Variants in MMP26 observed in about 807,000 individuals in gnomAD.
MMP26 encodes matrix metallopeptidase 26.
Under a neutral mutation model 31.0 loss-of-function variants are expected in MMP26, and 33 were observed. The observed-to-expected ratio is 1.06, with a 90% confidence interval of 0.81 to 1.42. The LOEUF (loss-of-function observed/expected upper bound fraction) is 1.42. Among genes scored for constraint, MMP26 ranks in the 40% most tolerant of loss-of-function variants. The pLI is 0.00. For synonymous variants in MMP26, 122 were observed against 114.9 expected (o/e 1.06, Z -0.40); for missense variants, 347 against 316.1 (o/e 1.10, Z -0.74).
intron 2 of MMP26, among the ~76,000 whole-genome samples, chr11:4,813,368 T>G (rs1402248495): frequency 6.6e-6 from 1 of 152,086 alleles, no homozygotes; most frequent in African/African-American, 2.4e-5. Context: ...TGATTTTCCT[T>G]TTTTCCTTTC....
At chr11:4,868,905 A>T (rs962566274) in intron 2 of MMP26, among the ~76,000 whole-genome samples, 1 of 152,206 alleles carries the variant, frequency 6.6e-6, no homozygotes, top group African/African-American at 2.4e-5. Context: ...GCCCTCAGAA[A>T]TAATACCACA....
intron 2 of MMP26, among the ~76,000 whole-genome samples, chr11:4,857,417 C>G (rs1850070913): frequency 6.6e-6 from 1 of 151,978 alleles, no homozygotes; most frequent in South Asian, 2.1e-4. Context: ...CACAGAGATA[C>G]AAACTACCAT....
chr11:4,914,532 A>G (rs1204691361), intron 2 of MMP26: 3 of 539,566 alleles, frequency 5.6e-6, no homozygotes, highest in Non-Finnish European at 9.8e-6. Flanking sequence ...TTACCACATC[A>G]TATTACATTT....
chr11:4,764,874 T>TCACACACACACACACA (rs149703459), intron 1 of MMP26, among the ~76,000 whole-genome samples: 401 of 151,396 alleles, frequency 2.6e-3, no homozygotes, highest in South Asian at 0.017. Context: ...CGAGACTCCA[T>TCACACACACACACACA]CACAGACACA....
rs1043605881 is a variant in MMP26, at chr11:4,769,760, G to A, written c.-145+2419G>A. On this transcript the variant is annotated intron_variant, in intron 2 of 7. Coordinates refer to ENST00000380390, the MANE Select transcript of MMP26 (RefSeq NM_021801.5). Reference sequence around the variant, plus strand: ...CATGGGTTCATGGAGACTCTGCTGGGTAATGATGACAAACAGGATCACGCT... The same window carrying A: ...CATGGGTTCATGGAGACTCTGCTGGATAATGATGACAAACAGGATCACGCT... 5 of 1,613,932 alleles carry A rather than the reference G, an allele frequency of 3.1e-6. No individual in the cohort carries two copies. The East Asian group carries it at 1.1e-4, about 36-fold the overall frequency.
chr11:4,882,763 G>A, intron 2 of MMP26: 1 of 1,613,882 alleles, frequency 6.2e-7, no homozygotes, highest in Non-Finnish European at 8.5e-7. Flanking sequence ...TACCACCTGT[G>A]CTGAACCCTA....
At chr11:4,745,291 C>G (rs1471182750) in intron 1 of MMP26, among the ~76,000 whole-genome samples, 2 of 152,110 alleles carry the variant, frequency 1.3e-5, no homozygotes, top group South Asian at 4.1e-4. Context: ...AAGAAATATA[C>G]GGTTGCATTT....
Position 4,992,352 on chromosome 11 carries a change from G to T in MMP26, c.*110G>T. 3.8e-6 allele frequency: 4 copies of T among 1,039,374 alleles called. No homozygotes were observed. The highest frequency in any genetic ancestry group is 2.6e-5 in the Admixed American group (1 of 38,370). 64.4% of individuals were successfully genotyped at this position (1,039,374 alleles called of 1,614,324 possible). On this transcript the variant is annotated 3_prime_UTR_variant, in exon 8 of 8. Transcript: ENST00000380390. ...GGGACTGCTAGGATGAAGCCCTAAA[G>T]AATGCAACCTAGTCAGGTTAGCTGA...
At chr11:4,986,938 T>C (rs1054327334) in intron 2 of MMP26, among the ~76,000 whole-genome samples, 1,095 of 97,872 alleles carry the variant, frequency 0.011, 14 homozygotes, top group Non-Finnish European at 0.015. Flanking sequence ...TCTCCCTCTC[T>C]CTCTCTCTCT....
intron 2 of MMP26, among the ~76,000 whole-genome samples, chr11:4,981,494 A>G (rs915393815): frequency 6.6e-6 from 1 of 152,140 alleles, no homozygotes; most frequent in Non-Finnish European, 1.5e-5. Flanking sequence ...ACACAACATA[A>G]AAGATTAAAA....
intron 2 of MMP26, among the ~76,000 whole-genome samples, chr11:4,777,209 T>C (rs147964913): frequency 6.6e-6 from 1 of 152,246 alleles, no homozygotes; most frequent in Admixed American, 6.5e-5. Flanking sequence ...CTATGTGCCA[T>C]GAGATTTGGT....
chr11:4,914,869 G>A, intron 2 of MMP26: 5 of 1,614,130 alleles, frequency 3.1e-6, no homozygotes, highest in Non-Finnish European at 4.2e-6. Flanking sequence ...AGCGATGGAT[G>A]ACAGAGAGGC....
At chr11:4,959,721 A>G (rs1846494735) in intron 2 of MMP26, among the ~76,000 whole-genome samples, 1 of 152,022 alleles carries the variant, frequency 6.6e-6, no homozygotes, top group Non-Finnish European at 1.5e-5. Context: ...CTTGTCCTCT[A>G]TTGCCCTCAC....
intron 2 of MMP26, among the ~76,000 whole-genome samples, chr11:4,819,464 G>T (rs1230450148): frequency 2.0e-5 from 3 of 150,380 alleles, no homozygotes; most frequent in Non-Finnish European, 4.4e-5. Flanking sequence ...AATATTAAGA[G>T]AGACTGGTAT....
chr11:4,990,698 C>G lies in MMP26; in HGVS notation c.421C>G (p.Gln141Glu). 1 of 1,614,090 alleles carries G rather than the reference C, an allele frequency of 6.2e-7. No individual in the cohort carries two copies. The highest frequency in any genetic ancestry group is 8.5e-7 in the Non-Finnish European group (1 of 1,179,980). ...CAATGTGACCCCTTTGATATTCCAG[C>G]AAGTGCAGAATGGAGATGCAGACAT... ...WSNVTPLIFQ[Q>E]VQNGDADIKV... is the part of the protein sequence containing the mutation. The change falls in exon 5 of 8, where the codon CAA (glutamine) becomes GAA (glutamate). Residue 141 changes from glutamine to glutamate, a missense_variant. Coordinates refer to ENST00000380390, the MANE Select transcript of MMP26 (RefSeq NM_021801.5).
At chr11:4,848,216 A>G in intron 2 of MMP26, 1 of 1,577,270 alleles carries the variant, frequency 6.3e-7, no homozygotes, top group Non-Finnish European at 8.6e-7. Context: ...CTGTACCACC[A>G]AACACGGAGG....
intron 2 of MMP26, among the ~76,000 whole-genome samples, chr11:4,822,870 C>T (rs556017917): frequency 5.3e-5 from 8 of 152,178 alleles, no homozygotes; most frequent in African/African-American, 1.9e-4. Flanking sequence ...TTATTTTGCC[C>T]TTTATTATGT....
intron 2 of MMP26, among the ~76,000 whole-genome samples, chr11:4,817,323 C>T (rs1589909882): frequency 6.6e-6 from 1 of 152,126 alleles, no homozygotes; most frequent in South Asian, 2.1e-4. Flanking sequence ...GTGATTTATG[C>T]CTGTAATCCC....
intron 1 of MMP26, among the ~76,000 whole-genome samples, chr11:4,731,678 T>A (rs1346433957): frequency 2.0e-5 from 3 of 152,246 alleles, no homozygotes; most frequent in Non-Finnish European, 4.4e-5. Flanking sequence ...GTTCTATTAC[T>A]TAATCTAATG....
Sources: allele counts gnomAD v4.1 joint callset (sites outside exome capture counted in the v4.1 genomes callset), GRCh38; gene constraint gnomAD v4.1.1; transcripts MANE v1.5; gene names NCBI Gene and HGNC (gene_info 2026-07-23, HGNC 2026-07-21).